RYR3: variants seen among roughly 807,000 people sequenced by gnomAD.
The protein encoded by RYR3 is ryanodine receptor 3.
A neutral mutation model predicts 584.3 loss-of-function variants in RYR3; 207 were observed. The observed-to-expected ratio is 0.35, with a 90% CI of 0.32 to 0.40. The LOEUF (loss-of-function observed/expected upper bound fraction) is 0.40, where lower values mean the gene tolerates loss of function less well. Ranked by LOEUF, RYR3 falls within the 10% of genes least tolerant of loss-of-function variation. The pLI is 1.00. For synonymous variants in RYR3, 2,416 were observed against 2,248.5 expected (o/e 1.07, Z -2.11); for missense variants, 5,616 against 6,089.2 (o/e 0.92, Z 2.59).
rs200633984 is a variant in RYR3, at chr15:33,311,118, G to A, written c.51+22G>A. ...GACTGTGAGTCTCCGCGGCGGGGGC[G>A]AGGCCGTGGGCAGGTGGGGAGGAGC... On this transcript the variant is annotated intron_variant, in intron 1 of 103. Transcript: ENST00000634891. This position sits in a 1 kb window ranked among gnomAD's most constrained non-coding sequence, Gnocchi z 4.4. The A allele has an allele frequency of 1.9e-6, 3 of 1,558,186 alleles. No individual in the cohort carries two copies. Among genetic ancestry groups the A allele is most frequent in the African/African-American group, 1.4e-5 (1 of 70,972 alleles).
intron 17 of RYR3, among the ~76,000 whole-genome samples, 197 bp downstream of exon 17, chr15:33,601,749 G>A (rs1164823333): frequency 6.6e-6 from 1 of 152,176 alleles, no homozygotes; most frequent in African/African-American, 2.4e-5. Flanking sequence ...AATTCCTCAA[G>A]CTTTTCTGTT....
intron 16 of RYR3, among the ~76,000 whole-genome samples, chr15:33,591,775 A>G (rs1264074630): frequency 1.3e-5 from 2 of 152,190 alleles, no homozygotes; most frequent in Non-Finnish European, 2.9e-5. Flanking sequence ...TAGTAATATC[A>G]TTGATTCTCA....
In RYR3 at chr15:33,584,792, C is replaced by G. The variant is rs114107083; in HGVS notation, c.1669+302C>G. On this transcript the variant is annotated intron_variant, in intron 15 of 103. Coordinates refer to ENST00000634891, the MANE Select transcript of RYR3 (RefSeq NM_001036.6). The stretch of plus-strand genomic sequence containing the variant: ...AATCACCCCCCACCCCCACCTCACC[C>G]ACCCAGTGATCCTGGTCTCCTTCTA... Among the ~76,000 whole-genome samples, 1,294 of 151,496 alleles carry G rather than the reference C, an allele frequency of 8.5e-3. 24 individuals are homozygous for G. The highest frequency in any genetic ancestry group is 0.029 in the African/African-American group (1,211 of 41,166).
chr15:33,339,049 T>C (rs1971483691), intron 1 of RYR3, among the ~76,000 whole-genome samples: 1 of 152,154 alleles, frequency 6.6e-6, no homozygotes, highest in African/African-American at 2.4e-5. Flanking sequence ...CATATTCTCT[T>C]TCTTATATCG....
rs1041055178 is a variant in RYR3 at position 33,560,626 on chromosome 15, T to G, written c.973-2211T>G. Among the ~76,000 whole-genome samples, 3 of 152,320 alleles carry G rather than the reference T, an allele frequency of 2.0e-5. 1 individual carries two copies. Among genetic ancestry groups the G allele is most frequent in the African/African-American group, 7.2e-5 (3 of 41,574 alleles). On this transcript the variant is annotated intron_variant, in intron 10 of 103. Transcript: ENST00000634891. Reference sequence around the variant, plus strand: ...CATAATTTTTAAGCACTGCATTAGCTATGGTTAGAGAGCAGATTAGAGATG... The same window carrying G: ...CATAATTTTTAAGCACTGCATTAGCGATGGTTAGAGAGCAGATTAGAGATG...
intron 13 of RYR3, among the ~76,000 whole-genome samples, chr15:33,580,549 G>C (rs1222999563): frequency 6.6e-6 from 1 of 152,200 alleles, no homozygotes; most frequent in Admixed American, 6.5e-5. Flanking sequence ...AAAAGACACA[G>C]AAGACGCTGT....
chr15:33,359,768 A>G (rs999779161), intron 1 of RYR3, among the ~76,000 whole-genome samples: 5 of 151,926 alleles, frequency 3.3e-5, no homozygotes, highest in Admixed American at 6.6e-5. Flanking sequence ...ACAGGCGCCC[A>G]CCACCAAGCC....
At chr15:33,525,172 C>A in intron 3 of RYR3, among the ~76,000 whole-genome samples, 1 of 152,246 alleles carries the variant, frequency 6.6e-6, no homozygotes, top group African/African-American at 2.4e-5. Flanking sequence ...ATTTGCCATC[C>A]GCATCTCACA....
chr15:33,540,942 T>C lies in RYR3; in HGVS notation c.646+52T>C, dbSNP rs2055766638. ...CTGAGCCTGCCTATCTCTCTTGAGCTGTATACATTGACATTTTCTGCTACT... is the reference window on the plus strand; with the variant it reads ...CTGAGCCTGCCTATCTCTCTTGAGCCGTATACATTGACATTTTCTGCTACT... On this transcript the variant is annotated intron_variant, in intron 7 of 103. Coordinates refer to ENST00000634891, the MANE Select transcript of RYR3 (RefSeq NM_001036.6). The C allele has an allele frequency of 3.5e-6, 4 of 1,157,992 alleles. No homozygotes were observed. In the Admixed American group the frequency reaches 5.1e-5, roughly 15 times the overall value. The allele number at this position is 1,157,992 out of a possible 1,614,324, so 71.7% of individuals were successfully genotyped here. A position where few individuals can be genotyped will look rare whatever the true frequency, so the allele number is the denominator to read the frequency against.
chr15:33,310,977 G>A lies in RYR3; in HGVS notation c.-69G>A. The A allele has an allele frequency of 1.6e-6, 2 of 1,235,762 alleles. No individual in the cohort carries two copies. The highest frequency in any genetic ancestry group is 1.3e-5 in the South Asian group (1 of 75,398). 76.5% of individuals were successfully genotyped at this position (1,235,762 alleles called of 1,614,324 possible). ...GAGAAAGAGCGCAGCAGCAGTCAGC[G>A]CACGCCGAGCGGCTGCCGGGGGAAG... On this transcript the variant is annotated 5_prime_UTR_variant, in exon 1 of 104. Transcript: ENST00000634891.
At chr15:33,579,843 C>A in intron 12 of RYR3, 133 bp from the exon 13 acceptor site, 1 of 509,916 alleles carries the variant, frequency 2.0e-6, no homozygotes, top group Non-Finnish European at 3.4e-6. Context: ...TTTGTAGCTG[C>A]TGGTACAGTG....
intron 94 of RYR3, chr15:33,851,108 C>T (rs535595941): frequency 6.6e-6 from 1 of 152,160 alleles, no homozygotes; most frequent in South Asian, 2.1e-4. Flanking sequence ...TAGCATTTTC[C>T]ATTATGTATA....
At chr15:33,317,973 G>T (rs2676082) in intron 1 of RYR3, among the ~76,000 whole-genome samples, 74,517 of 152,024 alleles carry the variant, frequency 0.49, 19,552 homozygotes, top group Middle Eastern at 0.63. Context: ...AATACTTGAG[G>T]AATCTTACTA....
At chr15:33,646,214 G>T in intron 28 of RYR3, 137 bp from the exon 29 acceptor site, 1 of 661,170 alleles carries the variant, frequency 1.5e-6, no homozygotes. Context: ...GAGAATCATA[G>T]TTTGGTTATC....
chr15:33,736,790 C>A (rs1450246801), intron 49 of RYR3, among the ~76,000 whole-genome samples: 2 of 53,858 alleles, frequency 3.7e-5, no homozygotes, highest in Non-Finnish European at 1.0e-4. Flanking sequence ...GCTCTGTCAC[C>A]CAGGCTGAAG....
rs1276388176 is a variant in RYR3 at position 33,662,216 on chromosome 15, G to A, written c.4686G>A (p.Leu1562=). Residue 1562 remains leucine, a synonymous_variant, in exon 35 of 104, where the codon CTG becomes CTA. Coordinates refer to ENST00000634891, the MANE Select transcript of RYR3 (RefSeq NM_001036.6). ...TGATGCGGTTCCATTACCACACGCTGAGGCTCTACAGCGCGGTGTGCGCCC... is the reference window on the plus strand; with the variant it reads ...TGATGCGGTTCCATTACCACACGCTAAGGCTCTACAGCGCGGTGTGCGCCC... ...EDLMRFHYHT[L]RLYSAVCALG... is the part of the protein sequence containing the mutation. 6.2e-7 allele frequency: 1 copy of A among 1,608,678 alleles called. No homozygotes were observed. Among genetic ancestry groups the A allele is most frequent in the Non-Finnish European group, 8.5e-7 (1 of 1,178,050 alleles).
At chr15:33,505,995 A>C (rs1291864308) in intron 3 of RYR3, among the ~76,000 whole-genome samples, 1 of 152,162 alleles carries the variant, frequency 6.6e-6, no homozygotes, top group Non-Finnish European at 1.5e-5. Context: ...TTAATCTCTT[A>C]TCCTGTTTTG....
chr15:33,865,296 T>C lies in RYR3; in HGVS notation c.*70T>C, dbSNP rs1272566869. 5.9e-6 allele frequency: 6 copies of C among 1,022,320 alleles called. No individual in the cohort carries two copies. The highest frequency in any genetic ancestry group is 8.9e-6 in the Non-Finnish European group (6 of 674,606). 63.3% of individuals were successfully genotyped at this position (1,022,320 alleles called of 1,614,324 possible). On this transcript the variant is annotated 3_prime_UTR_variant, in exon 104 of 104. Transcript: ENST00000634891. ...ATGAAATAAAGTCCCCTTTTTACAG[T>C]TCTGCAACATATCTGAAATGTGACA...
rs2079331874 is a variant in RYR3 at position 33,853,580 on chromosome 15, A to G, written c.13697A>G (p.Tyr4566Cys). Residue 4566 changes from tyrosine to cysteine, a missense_variant, in exon 96 of 104, where the codon TAC becomes TGC. Around this residue, in one of 9 missense-constraint regions of RYR3, gnomAD observed 918 missense variants for 887.4 expected, o/e 1.03. Coordinates refer to ENST00000634891, the MANE Select transcript of RYR3 (RefSeq NM_001036.6). ...RKVINKYGDLYGAERIAELLG... is the reference protein window; with the variant it reads ...RKVINKYGDLCGAERIAELLG... ...GTGATCAACAAGTATGGAGATCTCT[A>G]CGGAGCAGAACGCATTGCTGAACTT... The G allele has an allele frequency of 3.7e-6, 6 of 1,613,888 alleles. No homozygotes were observed. The highest frequency in any genetic ancestry group is 5.1e-6 in the Non-Finnish European group (6 of 1,179,886).
Sources: allele counts gnomAD v4.1 joint callset (sites outside exome capture counted in the v4.1 genomes callset), GRCh38; gene constraint gnomAD v4.1.1; regional missense constraint gnomAD v4.1.1; non-coding constraint Gnocchi (gnomAD v3.1); transcripts MANE v1.5; gene names NCBI Gene and HGNC (gene_info 2026-07-23, HGNC 2026-07-21).